Variants in CPS1 observed in about 807,000 individuals in gnomAD.
CPS1 encodes carbamoyl-phosphate synthase [ammonia], mitochondrial.
Under a neutral mutation model 174.6 loss-of-function variants are expected in CPS1, and 109 were observed. The ratio of observed to expected loss-of-function variants is 0.62; its 90% confidence interval spans 0.53 to 0.73. The LOEUF (loss-of-function observed/expected upper bound fraction) is 0.73. Among genes scored for constraint, CPS1 ranks in the 30% least tolerant of loss-of-function variants. The probability of loss-of-function intolerance (pLI) is 0.00; values close to 1 mark genes in which losing one functional copy is unlikely to be tolerated. For synonymous variants in CPS1, 637 were observed against 632.0 expected, an observed-to-expected ratio of 1.01 and a Z score of -0.12; for missense variants, 1,689 against 1,821.9, an observed-to-expected ratio of 0.93 and a Z score of 1.33.
intron 1 of CPS1, among the ~76,000 whole-genome samples, chr2:210,500,525 G>T (rs372420624): frequency 2.9e-4 from 44 of 152,268 alleles, no homozygotes; most frequent in African/African-American, 1.1e-3. Context: ...CCAAAACAAA[G>T]GGTCTACAGT....
chr2:210,545,544 A>G (rs1696537973), intron 1 of CPS1, among the ~76,000 whole-genome samples: 1 of 152,062 alleles, frequency 6.6e-6, no homozygotes, highest in African/African-American at 2.4e-5. Context: ...TTTAAGACTT[A>G]CTATTTTTTA....
chr2:210,646,025 CAATTT>C (rs1336858046), intron 25 of CPS1, among the ~76,000 whole-genome samples: 1 of 152,090 alleles, frequency 6.6e-6, no homozygotes, highest in African/African-American at 2.4e-5. Flanking sequence ...AAAAACAAGT[CAATTT>C]AATACAGCTA....
chr2:210,655,246 G>A (rs1048082608), intron 29 of CPS1, among the ~76,000 whole-genome samples: 1 of 152,110 alleles, frequency 6.6e-6, no homozygotes, highest in Admixed American at 6.6e-5. Flanking sequence ...ACCTATATAT[G>A]GAAGTGGAGA....
intron 20 of CPS1, among the ~76,000 whole-genome samples, chr2:210,613,974 G>A (rs1699220101): frequency 6.6e-6 from 1 of 151,824 alleles, no homozygotes; most frequent in Admixed American, 6.6e-5. Flanking sequence ...GGGCTGAAGG[G>A]GAAAAAGAAT....
intron 34 of CPS1, among the ~76,000 whole-genome samples, chr2:210,668,734 T>C (rs921076614): frequency 1.3e-5 from 2 of 152,132 alleles, no homozygotes; most frequent in Non-Finnish European, 2.9e-5. Flanking sequence ...TAGTACCTAC[T>C]CTTCTATCTA....
Position 210,648,848 on chromosome 2 carries a change from G to T in CPS1, c.3404+308G>T, listed in dbSNP as rs1414004776. ...ACAATTTAAAAAAGACACACAAATT[G>T]AGGTATCTCTCGCCAGCGTGTTTTC... On this transcript the variant is annotated intron_variant, in intron 27 of 37. Transcript: ENST00000233072. Among the ~76,000 whole-genome samples the T allele has an allele frequency of 1.7e-4, 26 of 152,160 alleles. 1 individual carries two copies. The highest frequency in any genetic ancestry group is 1.5e-5 in the Non-Finnish European group (1 of 68,010).
intron 1 of CPS1, among the ~76,000 whole-genome samples, chr2:210,510,223 C>T (rs1356562209): frequency 3.9e-5 from 6 of 152,080 alleles, no homozygotes; most frequent in South Asian, 2.1e-4. Flanking sequence ...AATAATGCCA[C>T]GTTATCTACA....
intron 2 of CPS1, among the ~76,000 whole-genome samples, chr2:210,575,103 C>T (rs1032011643): frequency 6.6e-6 from 1 of 152,038 alleles, no homozygotes; most frequent in Non-Finnish European, 1.5e-5. Flanking sequence ...GAGAAATTAG[C>T]TGATGGAAGC....
intron 1 of CPS1, among the ~76,000 whole-genome samples, chr2:210,478,564 T>C (rs1694470841): frequency 6.6e-6 from 1 of 152,220 alleles, no homozygotes; most frequent in South Asian, 2.1e-4. Context: ...ATACTTTCTT[T>C]AGTTTGTTCA....
intron 1 of CPS1, among the ~76,000 whole-genome samples, chr2:210,543,688 A>C (rs1208498755): frequency 6.6e-6 from 1 of 152,110 alleles, no homozygotes; most frequent in Non-Finnish European, 1.5e-5. Flanking sequence ...GTCTTAATAT[A>C]CTGAAAGCTC....
At chr2:210,597,601 A>G (rs1053552654) in intron 13 of CPS1, among the ~76,000 whole-genome samples, 2 of 151,974 alleles carry the variant, frequency 1.3e-5, no homozygotes, top group South Asian at 2.1e-4. Context: ...AATAATTTCT[A>G]TACTTTTATC....
intron 29 of CPS1, among the ~76,000 whole-genome samples, chr2:210,656,311 G>C (rs1429075557): frequency 6.6e-6 from 1 of 152,132 alleles, no homozygotes; most frequent in Non-Finnish European, 1.5e-5. Context: ...GGATGAGGGA[G>C]GTAGGCTCTC....
chr2:210,673,739 CACTT>C (rs1437384512), intron 34 of CPS1: 1 of 152,106 alleles, frequency 6.6e-6, no homozygotes, highest in African/African-American at 2.4e-5. Context: ...ATAGTAGTAA[CACTT>C]AAGTAGTGCT....
At chr2:210,669,693 C>A (rs78989095) in intron 34 of CPS1, among the ~76,000 whole-genome samples, 7,612 of 152,116 alleles carry the variant, frequency 0.05, 219 homozygotes, top group Middle Eastern at 0.082. Flanking sequence ...AGCTTAATGG[C>A]AGTTTAGAGA....
At chr2:210,594,737 G>A in intron 12 of CPS1, 131 bp downstream of exon 12, 1 of 693,870 alleles carries the variant, frequency 1.4e-6, no homozygotes, top group Admixed American at 2.2e-5. Context: ...GTAATAGACT[G>A]TCATTTTGTA....
At chr2:210,631,941 T>C (rs2105888511) in intron 21 of CPS1, among the ~76,000 whole-genome samples, 1 of 152,348 alleles carries the variant, frequency 6.6e-6, no homozygotes. Context: ...TTTTGTGCAA[T>C]ATGCTTTCTT....
intron 1 of CPS1, among the ~76,000 whole-genome samples, chr2:210,509,961 T>G (rs1695403877): frequency 6.6e-6 from 1 of 152,080 alleles, no homozygotes; most frequent in Non-Finnish European, 1.5e-5. Context: ...CCAAGGTAAT[T>G]TATAGATTCA....
rs569322910 is a variant in CPS1, at chr2:210,484,021, A to C, written c.3+6255A>C. On this transcript the variant is annotated intron_variant, in intron 1 of 38. Transcript: ENST00000430249. Reference sequence around the variant, plus strand: ...TGGCTTCTGAACTGAAATATCTCACAAATAAGAAACTGAATAAGCAAACAA... The same window carrying C: ...TGGCTTCTGAACTGAAATATCTCACCAATAAGAAACTGAATAAGCAAACAA... Among the ~76,000 whole-genome samples the C allele has an allele frequency of 2.3e-3, 350 of 152,326 alleles. 3 individuals carry two copies. Among genetic ancestry groups the C allele is most frequent in the African/African-American group, 8.1e-3 (335 of 41,566 alleles).
chr2:210,481,737 A>G (rs565482645), intron 1 of CPS1, among the ~76,000 whole-genome samples: 7 of 152,204 alleles, frequency 4.6e-5, no homozygotes, highest in South Asian at 2.1e-4. Context: ...TTTCCTTTCT[A>G]TTTGCCTTGA....
Sources: gnomAD v4.1 joint callset for allele counts (sites outside exome capture counted in the v4.1 genomes callset) on GRCh38, gnomAD v4.1.1 for gene constraint, MANE v1.5 for transcripts, NCBI Gene and HGNC (gene_info 2026-07-23, HGNC 2026-07-21) for gene names.